WWOX: variants seen among roughly 807,000 people sequenced by gnomAD.
WWOX encodes WW domain containing oxidoreductase.
In WWOX, 69 loss-of-function variants were observed where a neutral mutation model predicts 46.2. The observed-to-expected ratio is 1.49, with a 90% confidence interval of 1.23 to 1.82. WWOX has a LOEUF of 1.82. Ranked by LOEUF, WWOX falls within the 40% of genes most tolerant of loss-of-function variation. The pLI is 0.00. For synonymous variants in WWOX, 359 were observed against 202.6 expected, an observed-to-expected ratio of 1.77 and a Z score of -6.56; for missense variants, 919 against 542.6, an observed-to-expected ratio of 1.69 and a Z score of -6.89.
At chr16:79,013,299 C>T (rs1208399011) in intron 8 of WWOX, among the ~76,000 whole-genome samples, 3 of 152,108 alleles carry the variant, frequency 2.0e-5, no homozygotes, top group Admixed American at 6.6e-5. Flanking sequence ...TCCTCATGCG[C>T]TCTGATCTGC....
chr16:78,430,777 A>C (rs1356132516), intron 7 of WWOX, among the ~76,000 whole-genome samples: 2 of 152,120 alleles, frequency 1.3e-5, no homozygotes, highest in Non-Finnish European at 2.9e-5. Flanking sequence ...TAGAGCAGCT[A>C]TGTCATTTAA....
chr16:79,106,712 TGCCTCAAGCAACTCTCCA>T (rs958598795), intron 8 of WWOX: 12 of 146,650 alleles, frequency 8.2e-5, no homozygotes, highest in Admixed American at 7.6e-4. Flanking sequence ...GCAACTCTCC[TGCCTCAAGCAACTCTCCA>T]GCCTCAGCCT....
chr16:78,875,702 C>G (rs188548163), intron 8 of WWOX, among the ~76,000 whole-genome samples: 1 of 152,130 alleles, frequency 6.6e-6, no homozygotes, highest in African/African-American at 2.4e-5. Flanking sequence ...TTTTTCTAAG[C>G]CACAGTGGCA....
At chr16:79,117,687 T>G (rs1049237949) in intron 8 of WWOX, among the ~76,000 whole-genome samples, 2 of 152,252 alleles carry the variant, frequency 1.3e-5, no homozygotes, top group Non-Finnish European at 2.9e-5. Flanking sequence ...CTTATCTAGA[T>G]CTTCTGGAAA....
intron 5 of WWOX, among the ~76,000 whole-genome samples, chr16:78,208,395 A>T (rs2036460794): frequency 6.6e-6 from 1 of 152,206 alleles, no homozygotes; most frequent in Non-Finnish European, 1.5e-5. Context: ...ACCGTTACAT[A>T]TGTATATGAA....
intron 8 of WWOX, among the ~76,000 whole-genome samples, chr16:78,654,882 G>T (rs534345733): frequency 5.9e-5 from 9 of 151,872 alleles, no homozygotes; most frequent in South Asian, 2.1e-4. Context: ...TTTTCTTGGT[G>T]GGGGGGATGC....
At chr16:78,501,174 T>C in intron 8 of WWOX, among the ~76,000 whole-genome samples, 1 of 38,170 alleles carries the variant, frequency 2.6e-5, no homozygotes, top group East Asian at 6.7e-4. Flanking sequence ...CATGTTTTTC[T>C]TTCTCTCTCT....
chr16:78,748,770 T>C (rs754156404), intron 8 of WWOX, among the ~76,000 whole-genome samples: 1 of 152,254 alleles, frequency 6.6e-6, no homozygotes, highest in Non-Finnish European at 1.5e-5. Context: ...TGCTCGGTGA[T>C]ATTACATCTG....
chr16:78,924,225 G>A (rs1486757759), intron 8 of WWOX, among the ~76,000 whole-genome samples: 1 of 152,188 alleles, frequency 6.6e-6, no homozygotes, highest in Non-Finnish European at 1.5e-5. Flanking sequence ...TCTTGAAGCT[G>A]TGAATTCATA....
intron 8 of WWOX, among the ~76,000 whole-genome samples, chr16:78,688,307 G>A (rs1176451975): frequency 6.7e-6 from 1 of 149,724 alleles, no homozygotes; most frequent in African/African-American, 2.5e-5. Flanking sequence ...ATCAGAAATA[G>A]GAAAATTTTC....
chr16:79,080,681 G>C (rs967981844), intron 8 of WWOX, among the ~76,000 whole-genome samples: 1 of 152,106 alleles, frequency 6.6e-6, no homozygotes, highest in Non-Finnish European at 1.5e-5. Flanking sequence ...AAAAACCATG[G>C]CTTAGCCGGG....
chr16:78,750,529 C>A (rs1483603095), intron 8 of WWOX, among the ~76,000 whole-genome samples: 2 of 151,848 alleles, frequency 1.3e-5, no homozygotes, highest in African/African-American at 2.4e-5. Flanking sequence ...ATGTGTAGGT[C>A]TGTTACATGG....
intron 8 of WWOX, among the ~76,000 whole-genome samples, chr16:78,550,567 A>T (rs2044149463): frequency 6.6e-6 from 1 of 152,190 alleles, no homozygotes; most frequent in Non-Finnish European, 1.5e-5. Context: ...TTAGAACATG[A>T]TATTTTCTAC....
chr16:78,856,382 C>G (rs530713127), intron 8 of WWOX, among the ~76,000 whole-genome samples: 18 of 152,310 alleles, frequency 1.2e-4, no homozygotes, highest in African/African-American at 3.6e-4. Context: ...GTGGCTCACG[C>G]CTGTAATCGC....
At chr16:78,400,147 T>A (rs1260987167) in intron 6 of WWOX, among the ~76,000 whole-genome samples, 1 of 152,208 alleles carries the variant, frequency 6.6e-6, no homozygotes. Context: ...AAGCTTAAAC[T>A]CCTGTTATAG....
intron 5 of WWOX, among the ~76,000 whole-genome samples, chr16:78,267,965 G>A (rs1475533056): frequency 5.3e-5 from 8 of 152,036 alleles, no homozygotes; most frequent in African/African-American, 1.9e-4. Context: ...CTATAGGTGC[G>A]TGCCCCCACG....
rs553861232 is a variant in WWOX at position 79,053,656 on chromosome 16, C to G, written c.1057-157952C>G. Among the ~76,000 whole-genome samples, 30 of 152,254 alleles carry G rather than the reference C, an allele frequency of 2.0e-4. 1 individual carries two copies. Among genetic ancestry groups the G allele is most frequent in the Admixed American group, 6.5e-5 (1 of 15,290 alleles). ...TTTAATGTTTTAAATAACAAAACAA[C>G]TTTACAAATTGGTTTAGGTTGGGGA... On this transcript the variant is annotated intron_variant, in intron 8 of 8. Coordinates refer to ENST00000566780, the MANE Select transcript of WWOX (RefSeq NM_016373.4).
At chr16:79,148,851 G>T (rs919411994) in intron 8 of WWOX, among the ~76,000 whole-genome samples, 1 of 152,112 alleles carries the variant, frequency 6.6e-6, no homozygotes, top group Non-Finnish European at 1.5e-5. Flanking sequence ...TGAGTTTTGT[G>T]TGTTGATCTT....
chr16:78,102,672 A>G (rs1669111752), intron 1 of WWOX, among the ~76,000 whole-genome samples: 1 of 152,158 alleles, frequency 6.6e-6, no homozygotes, highest in African/African-American at 2.4e-5. Flanking sequence ...TCGACCTTGT[A>G]CTAGTCACCT....
Sources: gnomAD v4.1 joint callset for allele counts (sites outside exome capture counted in the v4.1 genomes callset) on GRCh38, gnomAD v4.1.1 for gene constraint, MANE v1.5 for transcripts, NCBI Gene and HGNC (gene_info 2026-07-23, HGNC 2026-07-21) for gene names.